Variants in FOCAD observed in about 807,000 individuals in gnomAD.
The protein encoded by FOCAD is KIAA1797.
A neutral mutation model predicts 225.6 loss-of-function variants in FOCAD; 198 were observed. The ratio of observed to expected loss-of-function variants is 0.88; its 90% CI spans 0.78 to 0.99. FOCAD has a LOEUF of 0.99. FOCAD is among the 50% of genes least tolerant of loss of function. The pLI is 0.00. For missense variants in FOCAD, 2,713 were observed against 2,123.6 expected (o/e 1.28, Z -5.46); for synonymous variants, 897 against 755.0 (o/e 1.19, Z -3.08).
chr9:20,850,391 A>G (rs1001035391), intron 15 of FOCAD, among the ~76,000 whole-genome samples: 57 of 151,954 alleles, frequency 3.8e-4, no homozygotes, highest in African/African-American at 1.3e-3. Context: ...AAGAAAATCT[A>G]TACAATTTTG....
intron 35 of FOCAD, among the ~76,000 whole-genome samples, chr9:20,970,257 A>T (rs1160478349): frequency 1.3e-5 from 2 of 151,686 alleles, no homozygotes; most frequent in African/African-American, 4.8e-5. Flanking sequence ...TAAATTGGAG[A>T]AGTTTTAGGC....
In FOCAD at chr9:20,725,721, C is replaced by T. The variant is rs968930937; in HGVS notation, c.287+5187C>T. On this transcript the variant is annotated intron_variant, in intron 4 of 43. Coordinates refer to ENST00000338382, the MANE Select transcript of FOCAD (RefSeq NM_001375567.1). Reference sequence around the variant, plus strand: ...AGAAACAGTGGCTTAGAGCGGGTTACATTGTATAGTCTAACTTTGAAAAAG... The same window carrying T: ...AGAAACAGTGGCTTAGAGCGGGTTATATTGTATAGTCTAACTTTGAAAAAG... Among the ~76,000 whole-genome samples the T allele has an allele frequency of 2.0e-5, 3 of 152,150 alleles. No individual in the cohort carries two copies. The East Asian group carries it at 5.8e-4, about 29-fold the overall frequency.
At chr9:20,985,230 G>A (rs1466742925) in intron 39 of FOCAD, among the ~76,000 whole-genome samples, 2 of 152,126 alleles carry the variant, frequency 1.3e-5, no homozygotes, top group African/African-American at 4.8e-5. Context: ...CCCATGCATG[G>A]TTTTGTAATA....
At chr9:20,755,360 CA>C (rs1211790762) in intron 5 of FOCAD, among the ~76,000 whole-genome samples, 1 of 152,212 alleles carries the variant, frequency 6.6e-6, no homozygotes, top group Non-Finnish European at 1.5e-5. Context: ...AGGCCTTCAG[CA>C]TCATGCAACA....
chr9:20,760,432 ATCTTT>A (rs1829478869), intron 6 of FOCAD, among the ~76,000 whole-genome samples: 1 of 152,198 alleles, frequency 6.6e-6, no homozygotes, highest in Admixed American at 6.5e-5. Flanking sequence ...CACCAGCTTT[ATCTTT>A]TCTTATCTTC....
chr9:20,952,472 C>G (rs1837772715), intron 34 of FOCAD: 1 of 153,048 alleles, frequency 6.5e-6, no homozygotes, highest in East Asian at 1.9e-4. Flanking sequence ...GCAACCACAT[C>G]TGGTTATTTG....
chr9:20,765,644 A>G (rs893570998), intron 7 of FOCAD, among the ~76,000 whole-genome samples: 1 of 152,216 alleles, frequency 6.6e-6, no homozygotes, highest in Non-Finnish European at 1.5e-5. Flanking sequence ...CAAAGTAGAA[A>G]GATGAAAGGT....
intron 8 of FOCAD, among the ~76,000 whole-genome samples, chr9:20,773,188 T>G (rs538687243): frequency 1.1e-3 from 171 of 152,300 alleles, no homozygotes; most frequent in Non-Finnish European, 2.0e-3. Context: ...CTCTGACCAT[T>G]TTATTGTGTA....
At chr9:20,795,967 C>T (rs1356612312) in intron 11 of FOCAD, among the ~76,000 whole-genome samples, 1 of 150,400 alleles carries the variant, frequency 6.6e-6, no homozygotes, top group African/African-American at 2.5e-5. Flanking sequence ...CTCCCCCCTG[C>T]CCCCACCCCA....
At chr9:20,720,096 C>A (rs140717696) in intron 3 of FOCAD, among the ~76,000 whole-genome samples, 1 of 152,132 alleles carries the variant, frequency 6.6e-6, no homozygotes, top group African/African-American at 2.4e-5. Context: ...CAAGTTTTAG[C>A]TTTGTTGTGT....
chr9:20,968,431 CTTTTTTTTT>C (rs35624897), intron 35 of FOCAD, among the ~76,000 whole-genome samples: 19 of 43,636 alleles, frequency 4.4e-4, no homozygotes, highest in East Asian at 2.7e-3. Context: ...TTTTCTTATT[CTTTTTTTTT>C]TTTTTTTTTT....
intron 18 of FOCAD, among the ~76,000 whole-genome samples, chr9:20,868,071 GA>G (rs1452304097): frequency 6.6e-6 from 1 of 152,082 alleles, no homozygotes; most frequent in African/African-American, 2.4e-5. Context: ...TCACAAATGG[GA>G]AAACTTAGGT....
chr9:20,769,231 C>G (rs754713054), intron 7 of FOCAD, among the ~76,000 whole-genome samples: 2 of 152,124 alleles, frequency 1.3e-5, no homozygotes, highest in African/African-American at 2.4e-5. Flanking sequence ...CTGTGTATAA[C>G]TAATAGTCAT....
chr9:20,781,658 A>T, intron 9 of FOCAD, 69 bp from the exon 10 acceptor site: 1 of 1,430,874 alleles, frequency 7.0e-7, no homozygotes, highest in South Asian at 1.2e-5. Context: ...ATCATTCTTA[A>T]GCAAAATTGC....
intron 21 of FOCAD, among the ~76,000 whole-genome samples, chr9:20,893,533 G>A (rs1831812314): frequency 6.6e-6 from 1 of 151,918 alleles, no homozygotes; most frequent in African/African-American, 2.4e-5. Flanking sequence ...TGTTTGTGTT[G>A]TTATTCATTT....
chr9:20,917,195 A>G (rs970282564), intron 24 of FOCAD, among the ~76,000 whole-genome samples: 2 of 152,096 alleles, frequency 1.3e-5, no homozygotes, highest in African/African-American at 4.8e-5. Flanking sequence ...CCCCTGCTGT[A>G]TACCTAACAG....
chr9:20,712,953 G>A (rs1262071700), intron 1 of FOCAD, among the ~76,000 whole-genome samples: 3 of 151,840 alleles, frequency 2.0e-5, no homozygotes, highest in African/African-American at 7.3e-5. Context: ...GGCTAGTCTC[G>A]AACTCCTGAC....
intron 5 of FOCAD, among the ~76,000 whole-genome samples, chr9:20,750,744 T>C (rs1828465684): frequency 1.3e-5 from 2 of 152,102 alleles, no homozygotes; most frequent in Non-Finnish European, 2.9e-5. Flanking sequence ...AATAAAAAAA[T>C]ATAGGGTGAT....
chr9:20,976,738 T>C (rs1840266524), intron 36 of FOCAD, among the ~76,000 whole-genome samples, 190 bp downstream of exon 36: 1 of 152,074 alleles, frequency 6.6e-6, no homozygotes, highest in Non-Finnish European at 1.5e-5. Context: ...GAAGAAGAGG[T>C]CTAAAGACAC....
Sources: gnomAD v4.1 joint callset for allele counts (sites outside exome capture counted in the v4.1 genomes callset) on GRCh38, gnomAD v4.1.1 for gene constraint, MANE v1.5 for transcripts, NCBI Gene and HGNC (gene_info 2026-07-23, HGNC 2026-07-21) for gene names.